DNM1L: variants seen among roughly 807,000 people sequenced by gnomAD.
DNM1L encodes the protein dynamin 1L, also known as dynamin-1-like protein.
DNM1L carries 33 observed loss-of-function variants against 92.8 expected under a neutral mutation model. The ratio of observed to expected loss-of-function variants is 0.36; its 90% confidence interval spans 0.27 to 0.48. The LOEUF (loss-of-function observed/expected upper bound fraction) is 0.48, where lower values mean the gene tolerates loss of function less well. Ranked by LOEUF, DNM1L falls within the 20% of genes least tolerant of loss-of-function variation. The pLI, the probability that DNM1L is intolerant of heterozygous loss-of-function variation, is 0.99. For missense variants in DNM1L, 485 were observed against 888.8 expected (o/e 0.55, Z 5.78); for synonymous variants, 284 against 305.0 (o/e 0.93, Z 0.72).
In DNM1L at chr12:32,719,764, A is replaced by C. The variant is rs540962952; in HGVS notation, c.741-900A>C. Among the ~76,000 whole-genome samples, 269 of 152,308 alleles carry C rather than the reference A, an allele frequency of 1.8e-3. 1 individual carries two copies. Among genetic ancestry groups the C allele is most frequent in the African/African-American group, 6.1e-3 (255 of 41,564 alleles). ...ATTACGTTTTAGACACTCTACTGTG[A>C]GCAATTTGCAAATGGTATCTCTTGG... On this transcript the variant is annotated intron_variant, in intron 7 of 19. Coordinates refer to ENST00000549701, the MANE Select transcript of DNM1L (RefSeq NM_012062.5).
At chr12:32,714,305 C>T (rs1466151810) in intron 6 of DNM1L, among the ~76,000 whole-genome samples, 1 of 139,964 alleles carries the variant, frequency 7.1e-6, no homozygotes, top group African/African-American at 2.7e-5. Flanking sequence ...TGGAGTCTTG[C>T]TCTATCTCCC....
chr12:32,696,407 C>T lies in DNM1L; in HGVS notation c.103-5008C>T, dbSNP rs1427797525. ...AAACACACACACACACACACACACA[C>T]ACACACACAATATAGTGAGACCCTG... On this transcript the variant is annotated intron_variant, in intron 1 of 19. Coordinates refer to ENST00000549701, the MANE Select transcript of DNM1L (RefSeq NM_012062.5). Among the ~76,000 whole-genome samples, 6 of 151,244 alleles carry T rather than the reference C, an allele frequency of 4.0e-5. No homozygotes were observed. In the East Asian group the frequency reaches 1.2e-3, roughly 29 times the overall value.
chr12:32,719,102 C>T (rs552619267), intron 7 of DNM1L, among the ~76,000 whole-genome samples: 6 of 152,046 alleles, frequency 3.9e-5, no homozygotes, highest in Admixed American at 3.9e-4. Flanking sequence ...AGGTGTGTAT[C>T]ACCACACCTG....
intron 1 of DNM1L, among the ~76,000 whole-genome samples, chr12:32,696,516 A>G (rs773257655): frequency 9.9e-5 from 15 of 151,654 alleles, no homozygotes; most frequent in Non-Finnish European, 1.9e-4. Flanking sequence ...AGGAGAATCT[A>G]TTGAGCCCAG....
In DNM1L at chr12:32,707,360, T is replaced by C. The variant is rs768209499; in HGVS notation, c.251-7T>C. 1.4e-5 allele frequency: 22 copies of C among 1,606,400 alleles called. No individual in the cohort carries two copies. In the Admixed American group the frequency reaches 3.7e-4, roughly 27 times the overall value. ...GTTTCCAATAAATGAGTTTTTCTTT[T>C]TTCCAGGGGTGGAAGCAGAAGAATG... On this transcript the variant is annotated splice_region_variant and splice_polypyrimidine_tract_variant and intron_variant, in intron 2 of 19. Coordinates refer to ENST00000549701, the MANE Select transcript of DNM1L (RefSeq NM_012062.5).
intron 13 of DNM1L, 62 bp downstream of exon 13, chr12:32,733,869 C>A: frequency 7.0e-7 from 1 of 1,429,050 alleles, no homozygotes; most frequent in Non-Finnish European, 9.9e-7. Context: ...TCAGTTATAT[C>A]AAACTTATTT....
At chr12:32,713,788 C>T (rs537047908) in intron 6 of DNM1L, among the ~76,000 whole-genome samples, 2 of 151,914 alleles carry the variant, frequency 1.3e-5, no homozygotes, top group South Asian at 2.1e-4. Context: ...AAAGTCAGCC[C>T]GGGCAACATA....
At chr12:32,708,025 C>A in intron 3 of DNM1L, 128 bp from the exon 4 acceptor site, 3 of 596,328 alleles carry the variant, frequency 5.0e-6, no homozygotes, top group Non-Finnish European at 9.1e-6. Context: ...AATATGTATA[C>A]ATTAGAATTT....
At position 32,720,745 on chromosome 12, in the gene DNM1L, A is replaced by G; in HGVS notation, c.822A>G (p.Pro274=). 1 of 1,613,874 alleles carries G rather than the reference A, an allele frequency of 6.2e-7. No individual in the cohort carries two copies. The highest frequency in any genetic ancestry group is 8.5e-7 in the Non-Finnish European group (1 of 1,179,900). The stretch of plus-strand genomic sequence containing the variant: ...ATGCTTTTCTTCAAAAGAAATATCC[A>G]TCTCTGGCCAATAGAAATGGAACAA... ...DEYAFLQKKY[P]SLANRNGTKY... Residue 274 remains proline (P), a synonymous_variant, in exon 8 of 20, where the codon CCA becomes CCG. Coordinates refer to ENST00000549701, the MANE Select transcript of DNM1L (RefSeq NM_012062.5).
chr12:32,729,268 A>C (rs1300751067), intron 9 of DNM1L, among the ~76,000 whole-genome samples: 3 of 151,464 alleles, frequency 2.0e-5, no homozygotes, highest in African/African-American at 7.3e-5. Context: ...TTTTTAGTAG[A>C]GATGGAGTTT....
Position 32,742,456 on chromosome 12 carries a change from G to A in DNM1L, c.1995-133G>A, listed in dbSNP as rs114093530. 2.7e-3 allele frequency: 3,063 copies of A among 1,150,826 alleles called. 63 individuals are homozygous for A. In the African/African-American group the frequency reaches 0.042, roughly 16 times the overall value. 71.3% of individuals were successfully genotyped at this position (1,150,826 alleles called of 1,614,324 possible). On this transcript the variant is annotated intron_variant, in intron 18 of 19. Coordinates refer to ENST00000549701, the MANE Select transcript of DNM1L (RefSeq NM_012062.5). Reference sequence around the variant, plus strand: ...ACAGTTAAGCAAAAATCTAAAGGGCGATTATGCCATTAATGAAATATCCAA... The same window carrying A: ...ACAGTTAAGCAAAAATCTAAAGGGCAATTATGCCATTAATGAAATATCCAA...
intron 1 of DNM1L, among the ~76,000 whole-genome samples, chr12:32,691,342 G>A (rs530072208): frequency 6.6e-6 from 1 of 152,192 alleles, no homozygotes; most frequent in South Asian, 2.1e-4. Context: ...TGGTTCAAGC[G>A]ATTCTCCTGC....
chr12:32,691,270 C>T (rs1418626350), intron 1 of DNM1L, among the ~76,000 whole-genome samples: 7 of 152,072 alleles, frequency 4.6e-5, no homozygotes, highest in Non-Finnish European at 8.8e-5. Flanking sequence ...GATGGAGTCT[C>T]GCTCTGTCGC....
chr12:32,737,964 A>C (rs771852118), intron 15 of DNM1L, 22 bp downstream of exon 15: 2 of 1,610,766 alleles, frequency 1.2e-6, no homozygotes, highest in Non-Finnish European at 1.7e-6. Context: ...TTCTTAATCT[A>C]AGCCTGCATG....
rs1368616106 is a variant in DNM1L at position 32,744,358 on chromosome 12, T to TAGCTTC, written c.*950_*955dup. 1 of 154,342 alleles carries TAGCTTC rather than the reference T, an allele frequency of 6.5e-6. No homozygotes were observed. The highest frequency in any genetic ancestry group is 1.4e-5 in the Non-Finnish European group (1 of 69,734). The allele number at this position is 154,342 out of a possible 1,614,324, so 9.6% of individuals were successfully genotyped here. On this transcript the variant is annotated 3_prime_UTR_variant, in exon 20 of 20. Transcript: ENST00000549701. The stretch of plus-strand genomic sequence containing the variant: ...ATTGGTAATAGCTACTTTTGCTTCA[T>TAGCTTC]AGCTTCATACCAACAAAATATATTT...
chr12:32,715,361 G>A (rs148341240), intron 6 of DNM1L, among the ~76,000 whole-genome samples: 254 of 151,872 alleles, frequency 1.7e-3, no homozygotes, highest in African/African-American at 5.9e-3. Context: ...GCCAGCAGTT[G>A]GAAAGATTAA....
chr12:32,727,887 T>C (rs181285150), intron 9 of DNM1L, among the ~76,000 whole-genome samples: 271 of 152,316 alleles, frequency 1.8e-3, no homozygotes, highest in Non-Finnish European at 2.5e-3. Context: ...GAGGATAAAT[T>C]TGTAGAAGTA....
intron 1 of DNM1L, among the ~76,000 whole-genome samples, chr12:32,699,248 G>T (rs537551890): frequency 9.0e-4 from 137 of 152,268 alleles, no homozygotes; most frequent in African/African-American, 3.1e-3. Context: ...ATTATGTTAA[G>T]ATATATGAGT....
rs1482098517 is a variant in DNM1L at position 32,707,352 on chromosome 12, T to C, written c.251-15T>C. On this transcript the variant is annotated splice_polypyrimidine_tract_variant and intron_variant, in intron 2 of 19. Coordinates refer to ENST00000549701, the MANE Select transcript of DNM1L (RefSeq NM_012062.5). ...TTTCCATAGTTTCCAATAAATGAGT[T>C]TTTCTTTTTTCCAGGGGTGGAAGCA... 6.2e-7 allele frequency: 1 copy of C among 1,603,522 alleles called. No homozygotes were observed. The highest frequency in any genetic ancestry group is 1.7e-5 in the Admixed American group (1 of 58,610).
Sources: allele counts gnomAD v4.1 joint callset (sites outside exome capture counted in the v4.1 genomes callset), GRCh38; gene constraint gnomAD v4.1.1; transcripts MANE v1.5; gene names NCBI Gene and HGNC (gene_info 2026-07-23, HGNC 2026-07-21).